The following PTCHD4 variants were observed in gnomAD, a reference collection of about 807,000 sequenced individuals.
PTCHD4 encodes patched domain containing 4.
PTCHD4 carries 33 observed loss-of-function variants against 58.1 expected under a neutral mutation model. That is an observed-to-expected ratio of 0.57 (90% CI 0.43 to 0.76). PTCHD4 has a LOEUF of 0.76. Among genes scored for constraint, PTCHD4 ranks in the 30% least tolerant of loss-of-function variants. The pLI is 0.00. For synonymous variants in PTCHD4, 478 were observed against 409.6 expected (o/e 1.17, Z -2.02); for missense variants, 1,058 against 1,027.1 (o/e 1.03, Z -0.41).
intron 1 of PTCHD4, among the ~76,000 whole-genome samples, chr6:48,099,940 A>G (rs1765564485): frequency 6.6e-6 from 1 of 152,252 alleles, no homozygotes; most frequent in Admixed American, 6.5e-5. Context: ...GTTACTGGCC[A>G]TATTAATGAA....
chr6:47,979,715 T>C (rs574071148), intron 4 of PTCHD4, among the ~76,000 whole-genome samples: 1 of 152,184 alleles, frequency 6.6e-6, no homozygotes, highest in Admixed American at 6.5e-5. Flanking sequence ...TACTTTTAAA[T>C]CTGTGTTTGA....
At chr6:47,922,127 A>T (rs1407622448) in intron 4 of PTCHD4, among the ~76,000 whole-genome samples, 3 of 151,800 alleles carry the variant, frequency 2.0e-5, no homozygotes, top group African/African-American at 7.3e-5. Flanking sequence ...ACAGAGTAAG[A>T]CCCTGTCTTA....
chr6:48,107,254 T>C (rs1407974963), intron 1 of PTCHD4, among the ~76,000 whole-genome samples: 1 of 152,076 alleles, frequency 6.6e-6, no homozygotes, highest in African/African-American at 2.4e-5. Context: ...AAAACAGAGA[T>C]ATAGACCAAT....
chr6:47,895,316 T>C (rs1393146336), intron 4 of PTCHD4, among the ~76,000 whole-genome samples: 1 of 152,214 alleles, frequency 6.6e-6, no homozygotes, highest in African/African-American at 2.4e-5. Context: ...AGGGTTTTTT[T>C]CAGTAGTTAC....
At chr6:48,033,185 A>C (rs762730228) in intron 3 of PTCHD4, among the ~76,000 whole-genome samples, 1 of 152,030 alleles carries the variant, frequency 6.6e-6, no homozygotes, top group African/African-American at 2.4e-5. Context: ...ACTCTGCTCA[A>C]CCTCCTTCCA....
intron 4 of PTCHD4, among the ~76,000 whole-genome samples, chr6:47,925,276 T>C (rs577761965): frequency 1.3e-5 from 2 of 151,930 alleles, no homozygotes; most frequent in East Asian, 1.9e-4. Flanking sequence ...AGCAAAAAGT[T>C]TGTTTTTGGT....
intron 4 of PTCHD4, among the ~76,000 whole-genome samples, chr6:48,000,673 C>T (rs923522162): frequency 6.6e-6 from 1 of 152,168 alleles, no homozygotes; most frequent in African/African-American, 2.4e-5. Context: ...TTTCCACATG[C>T]TCTCATCCCC....
rs552762625 is a variant in PTCHD4 at position 48,105,350 on chromosome 6, C to A, written c.-970+5699G>T. Among the ~76,000 whole-genome samples, 4 of 148,146 alleles carry A rather than the reference C, an allele frequency of 2.7e-5. No homozygotes were observed. In the Admixed American group the frequency reaches 2.7e-4, roughly 10 times the overall value. On this transcript the variant is annotated intron_variant, in intron 1 of 4. Coordinates refer to ENST00000339488, the MANE Select transcript of PTCHD4 (RefSeq NM_001384253.1). ...AACTGAACAACCTGCTCCTGAATGA[C>A]TACTGGGTACACGAAATGAAGGCAG...
At chr6:48,048,096 A>G (rs1450170220) in intron 3 of PTCHD4, among the ~76,000 whole-genome samples, 1 of 151,658 alleles carries the variant, frequency 6.6e-6, no homozygotes, top group Non-Finnish European at 1.5e-5. Context: ...AAAAAGGGGT[A>G]ATGAACTGTT....
At chr6:47,961,794 A>G (rs972408678) in intron 4 of PTCHD4, among the ~76,000 whole-genome samples, 4 of 152,192 alleles carry the variant, frequency 2.6e-5, no homozygotes, top group African/African-American at 9.6e-5. Flanking sequence ...TTACTGCACT[A>G]AACACCTATT....
chr6:47,858,366 T>C lies in PTCHD4; in HGVS notation c.*19937A>G, dbSNP rs1326709030. Among the ~76,000 whole-genome samples the C allele has an allele frequency of 6.6e-6, 1 of 152,016 alleles. No individual in the cohort carries two copies. Among genetic ancestry groups the C allele is most frequent in the African/African-American group, 2.4e-5 (1 of 41,426 alleles). ...GAAAGACAATTAGATATATTCAGCT[T>C]ACCTTAACTTCAAGATTCAAGTGGA... On this transcript the variant is annotated 3_prime_UTR_variant, in exon 5 of 5. Transcript: ENST00000339488.
intron 3 of PTCHD4, among the ~76,000 whole-genome samples, chr6:48,048,325 A>G (rs1195526232): frequency 6.6e-6 from 1 of 151,990 alleles, no homozygotes; most frequent in Non-Finnish European, 1.5e-5. Context: ...ACTGCAATTG[A>G]GCAGGTGGTT....
rs972174024 is a variant in PTCHD4 at position 47,875,009 on chromosome 6, C to T, written c.*3294G>A. The stretch of plus-strand genomic sequence containing the variant: ...CAAAGAGAGTGGAGCTCACATGGCA[C>T]TTTCCAATTCAAATTTAAATTCTGA... On this transcript the variant is annotated 3_prime_UTR_variant, in exon 5 of 5. Transcript: ENST00000339488. Among the ~76,000 whole-genome samples, 1 of 151,782 alleles carries T rather than the reference C, an allele frequency of 6.6e-6. No individual in the cohort carries two copies. The highest frequency in any genetic ancestry group is 1.5e-5 in the Non-Finnish European group (1 of 67,854).
At chr6:48,108,004 G>T (rs1174957779) in intron 1 of PTCHD4, among the ~76,000 whole-genome samples, 1 of 152,136 alleles carries the variant, frequency 6.6e-6, no homozygotes, top group Non-Finnish European at 1.5e-5. Flanking sequence ...CTGTTGGTGG[G>T]ACTGTAAACT....
At chr6:47,895,281 G>A (rs1399836665) in intron 4 of PTCHD4, among the ~76,000 whole-genome samples, 4 of 152,132 alleles carry the variant, frequency 2.6e-5, no homozygotes, top group Admixed American at 2.0e-4. Context: ...TGATCTGAAG[G>A]TTTCTAAACC....
intron 4 of PTCHD4, among the ~76,000 whole-genome samples, chr6:47,946,398 C>T (rs1165373847): frequency 6.6e-6 from 1 of 152,228 alleles, no homozygotes; most frequent in East Asian, 1.9e-4. Flanking sequence ...AGAATTGTTG[C>T]ATCTTTCTGA....
intron 4 of PTCHD4, among the ~76,000 whole-genome samples, chr6:47,895,145 A>C (rs1561943754): frequency 2.7e-5 from 4 of 150,632 alleles, no homozygotes; most frequent in Non-Finnish European, 5.9e-5. Flanking sequence ...AAAAAAGAAA[A>C]AAAAAGAAAC....
chr6:48,012,440 C>T (rs968639365), intron 3 of PTCHD4, among the ~76,000 whole-genome samples: 7 of 152,092 alleles, frequency 4.6e-5, no homozygotes, highest in Non-Finnish European at 8.8e-5. Flanking sequence ...TGAGACTATG[C>T]TGAAGTTGCT....
Position 48,008,627 on chromosome 6 carries a change from T to G in PTCHD4, c.898+7A>C. The G allele has an allele frequency of 6.2e-7, 1 of 1,611,844 alleles. No homozygotes were observed. Among genetic ancestry groups the G allele is most frequent in the South Asian group, 1.1e-5 (1 of 90,678 alleles). ...AGAATCCGATTACCACAAGGATGGATAGTTACCCATGGCGAAGAACGGGAT... is the reference window on the plus strand; with the variant it reads ...AGAATCCGATTACCACAAGGATGGAGAGTTACCCATGGCGAAGAACGGGAT... On this transcript the variant is annotated splice_region_variant and intron_variant, in intron 4 of 4. Transcript: ENST00000339488.
Sources: gnomAD v4.1 joint callset for allele counts (sites outside exome capture counted in the v4.1 genomes callset) on GRCh38, gnomAD v4.1.1 for gene constraint, MANE v1.5 for transcripts, NCBI Gene and HGNC (gene_info 2026-07-23, HGNC 2026-07-21) for gene names.